AAK1: variants seen among roughly 807,000 people sequenced by gnomAD.
AAK1 encodes the protein AP2-associated protein kinase 1.
A neutral mutation model predicts 116.0 loss-of-function variants in AAK1; 37 were observed. That is an observed-to-expected ratio of 0.32 (90% confidence interval 0.25 to 0.42). The LOEUF (loss-of-function observed/expected upper bound fraction) is 0.42. AAK1 is among the 10% of genes least tolerant of loss of function. The pLI, the probability that AAK1 is intolerant of heterozygous loss-of-function variation, is 1.00. For missense variants in AAK1, 919 were observed against 1,170.6 expected (o/e 0.79, Z 3.14); for synonymous variants, 458 against 439.9 (o/e 1.04, Z -0.51).
At chr2:69,568,016 A>G (rs1671948526) in intron 2 of AAK1, among the ~76,000 whole-genome samples, 1 of 152,152 alleles carries the variant, frequency 6.6e-6, no homozygotes, top group African/African-American at 2.4e-5. Context: ...CGGGGCCACA[A>G]TCTCCTAGTA....
chr2:69,625,986 A>T (rs113313391), intron 2 of AAK1, among the ~76,000 whole-genome samples: 113 of 152,132 alleles, frequency 7.4e-4, no homozygotes, highest in African/African-American at 2.5e-3. Context: ...CAACTTACCA[A>T]ACCTCACCCA....
intron 16 of AAK1, 114 bp downstream of exon 16, chr2:69,505,455 C>T: frequency 4.3e-5 from 27 of 620,700 alleles, no homozygotes; most frequent in Middle Eastern, 5.4e-4. Flanking sequence ...TATATATATA[C>T]ACGGTACTGC....
At chr2:69,504,505 C>T (rs1223353889) in intron 16 of AAK1, among the ~76,000 whole-genome samples, 1 of 147,680 alleles carries the variant, frequency 6.8e-6, no homozygotes, top group Non-Finnish European at 1.5e-5. Flanking sequence ...TGGTGGCTCA[C>T]GCCTGTAATC....
intron 2 of AAK1, among the ~76,000 whole-genome samples, chr2:69,632,901 T>C (rs1301497547): frequency 2.6e-5 from 4 of 151,330 alleles, no homozygotes; most frequent in Admixed American, 2.6e-4. Context: ...GGCATGGTGG[T>C]GGGCACCTGT....
intron 2 of AAK1, among the ~76,000 whole-genome samples, chr2:69,632,634 C>T (rs1675236812): frequency 6.6e-6 from 1 of 152,232 alleles, no homozygotes; most frequent in South Asian, 2.1e-4. Flanking sequence ...CGCGATGGCT[C>T]ACGCCTGTAA....
intron 2 of AAK1, among the ~76,000 whole-genome samples, chr2:69,602,015 C>A (rs1673602068): frequency 6.6e-6 from 1 of 152,222 alleles, no homozygotes; most frequent in Middle Eastern, 3.2e-3. Flanking sequence ...GAAAGACACA[C>A]CATTGCAGTA....
chr2:69,507,368 T>C, intron 15 of AAK1, 53 bp downstream of exon 15: 1 of 1,577,758 alleles, frequency 6.3e-7, no homozygotes, highest in Non-Finnish European at 8.6e-7. Context: ...GGTTATTTCT[T>C]AGCACAGAGA....
intron 2 of AAK1, among the ~76,000 whole-genome samples, chr2:69,601,547 G>T (rs923006789): frequency 6.6e-6 from 1 of 152,180 alleles, no homozygotes; most frequent in Non-Finnish European, 1.5e-5. Flanking sequence ...CCCATCTTGA[G>T]CCCTGGGTGA....
intron 3 of AAK1, among the ~76,000 whole-genome samples, chr2:69,556,114 A>C (rs1420580751): frequency 6.6e-6 from 1 of 152,226 alleles, no homozygotes; most frequent in East Asian, 1.9e-4. Flanking sequence ...AGTCTAATTA[A>C]CATAACAAAA....
chr2:69,520,358 CTTTTTTTT>C (rs71397334), intron 11 of AAK1, among the ~76,000 whole-genome samples: 9 of 127,408 alleles, frequency 7.1e-5, no homozygotes, highest in African/African-American at 2.1e-4. Flanking sequence ...CAATTCTTTT[CTTTTTTTT>C]TTTTTTTTTT....
rs77857782 is a variant in AAK1, at chr2:69,623,445, C to T, written c.163+19433G>A. On this transcript the variant is annotated intron_variant, in intron 2 of 21. Transcript: ENST00000409085. ...GTCAACAGCCTCGTAGATGCCCTTC[C>T]TCCAGACTCAGCTCCCTCTGGTCAC... 3.9e-3 allele frequency among the ~76,000 whole-genome samples: 592 copies of T among 152,272 alleles called. 3 individuals carry two copies. The highest frequency in any genetic ancestry group is 0.024 in the East Asian group (125 of 5,168).
chr2:69,621,750 A>C (rs1674638806), intron 2 of AAK1, among the ~76,000 whole-genome samples: 1 of 152,018 alleles, frequency 6.6e-6, no homozygotes, highest in African/African-American at 2.4e-5. Flanking sequence ...CCCTCTTTCA[A>C]CCTTCCCTCT....
At position 69,530,131 on chromosome 2, in the gene AAK1, A is replaced by T; in HGVS notation, c.748T>A (p.Cys250Ser). ...TTKADIWALG[C>S]LLYKLCYFTL... is the part of the protein sequence containing the mutation. ...AAGTAGCATAATTTATACAACAAAC[A>T]TCCAAGAGCCTAAAAAATAAAGATA... The change falls in exon 8 of 22, where the codon TGT (cysteine) becomes AGT (serine). Residue 250 changes from cysteine to serine, a missense_variant. By Grantham distance (112) the Cys-to-Ser change is moderately radical. Coordinates refer to ENST00000409085, the MANE Select transcript of AAK1 (RefSeq NM_014911.5). The T allele has an allele frequency of 6.2e-7, 1 of 1,607,288 alleles. No homozygotes were observed. Among genetic ancestry groups the T allele is most frequent in the Non-Finnish European group, 8.5e-7 (1 of 1,177,906 alleles).
intron 2 of AAK1, among the ~76,000 whole-genome samples, chr2:69,637,876 A>G (rs1675519853): frequency 6.6e-6 from 1 of 152,146 alleles, no homozygotes; most frequent in Non-Finnish European, 1.5e-5. Flanking sequence ...CTCCCACTCA[A>G]AAGTCACGTG....
rs1674742998 is a variant in AAK1, at chr2:69,473,342, G to T, written c.*2527C>A. 6.1e-6 allele frequency: 6 copies of T among 985,388 alleles called. No homozygotes were observed. Among genetic ancestry groups the T allele is most frequent in the African/African-American group, 1.7e-5 (1 of 57,242 alleles). 61.0% of individuals were successfully genotyped at this position (985,388 alleles called of 1,614,324 possible). On this transcript the variant is annotated 3_prime_UTR_variant, in exon 22 of 22. Coordinates refer to ENST00000409085, the MANE Select transcript of AAK1 (RefSeq NM_014911.5). ...CAGGCTATGATTCCACAGGTACCAG[G>T]ACACTATGCTCAACTCAAATAAACT...
intron 2 of AAK1, among the ~76,000 whole-genome samples, chr2:69,609,815 C>T (rs1161269685): frequency 2.0e-5 from 3 of 151,872 alleles, no homozygotes; most frequent in East Asian, 1.9e-4. Context: ...TTTAGGAGGC[C>T]GAGGTGGGTG....
intron 2 of AAK1, among the ~76,000 whole-genome samples, chr2:69,590,145 T>C (rs1245068841): frequency 6.6e-5 from 10 of 152,144 alleles, no homozygotes; most frequent in African/African-American, 2.4e-4. Context: ...CATCATCCTC[T>C]TCCTCCAGCA....
chr2:69,530,934 G>A (rs986757664), intron 6 of AAK1, among the ~76,000 whole-genome samples: 2 of 151,984 alleles, frequency 1.3e-5, no homozygotes, highest in African/African-American at 4.8e-5. Flanking sequence ...GAACATGTGG[G>A]GACTCAGACA....
chr2:69,561,449 G>A (rs1440058386), intron 2 of AAK1, among the ~76,000 whole-genome samples: 1 of 152,136 alleles, frequency 6.6e-6, no homozygotes, highest in Non-Finnish European at 1.5e-5. Flanking sequence ...TTCACACAAT[G>A]ACTGAATAAG....
Sources: gnomAD v4.1 joint callset for allele counts (sites outside exome capture counted in the v4.1 genomes callset) on GRCh38, gnomAD v4.1.1 for gene constraint, MANE v1.5 for transcripts, NCBI Gene and HGNC (gene_info 2026-07-23, HGNC 2026-07-21) for gene names.